CSMD2: variants seen among roughly 807,000 people sequenced by gnomAD.
CSMD2 encodes CUB and Sushi multiple domains 2, also known as CUB and sushi domain-containing protein 2.
In CSMD2, 130 loss-of-function variants were observed where a neutral mutation model predicts 398.5. The observed-to-expected ratio is 0.33, with a 90% CI of 0.28 to 0.38. CSMD2 has a LOEUF of 0.38. CSMD2 is among the 10% of genes least tolerant of loss of function. The pLI is 1.00. For missense variants in CSMD2, 3,829 were observed against 4,764.9 expected (o/e 0.80, Z 5.78); for synonymous variants, 1,828 against 1,908.5 (o/e 0.96, Z 1.10).
chr1:33,884,393 G>A (rs1641446097), intron 5 of CSMD2, among the ~76,000 whole-genome samples: 1 of 151,768 alleles, frequency 6.6e-6, no homozygotes, highest in Non-Finnish European at 1.5e-5. Context: ...CACCCCCTTT[G>A]CCACTTCCTG....
At position 34,125,925 on chromosome 1, in the gene CSMD2, C is replaced by T. The variant is rs78898791; in HGVS notation, c.188-36732G>A. Among the ~76,000 whole-genome samples the T allele has an allele frequency of 9.7e-3, 1,480 of 152,254 alleles. 22 individuals carry two copies. Among genetic ancestry groups the T allele is most frequent in the African/African-American group, 0.034 (1,423 of 41,552 alleles). On this transcript the variant is annotated intron_variant, in intron 1 of 70. Coordinates refer to ENST00000373381, the MANE Select transcript of CSMD2 (RefSeq NM_001281956.2). ...GAGATCTCCAGGACCCAGTGGGGGTCTGTTCAGTGACACCATCCATGACCT... is the reference window on the plus strand; with the variant it reads ...GAGATCTCCAGGACCCAGTGGGGGTTTGTTCAGTGACACCATCCATGACCT...
intron 2 of CSMD2, among the ~76,000 whole-genome samples, chr1:34,073,709 T>C (rs1655992584): frequency 6.6e-6 from 1 of 152,230 alleles, no homozygotes; most frequent in Admixed American, 6.5e-5. Flanking sequence ...AAAAGGCATT[T>C]TGGTATAGTG....
At chr1:33,886,724 C>T (rs1326972250) in intron 5 of CSMD2, among the ~76,000 whole-genome samples, 3 of 152,190 alleles carry the variant, frequency 2.0e-5, no homozygotes, top group African/African-American at 7.2e-5. Flanking sequence ...AAAGGGTTTC[C>T]CCTTGGCAGA....
chr1:33,738,668 G>A lies in CSMD2; in HGVS notation c.2368+472C>T, dbSNP rs370096865. Among the ~76,000 whole-genome samples, 59 of 152,284 alleles carry A rather than the reference G, an allele frequency of 3.9e-4. 2 individuals carry two copies. In the South Asian group the frequency reaches 0.011, roughly 29 times the overall value. On this transcript the variant is annotated intron_variant, in intron 15 of 70. Coordinates refer to ENST00000373381, the MANE Select transcript of CSMD2 (RefSeq NM_001281956.2). Reference sequence around the variant, plus strand: ...TGGAGACTGACCACAAGGATATAAAGTCAGCATTTAACAGGGCACAAAGGC... The same window carrying A: ...TGGAGACTGACCACAAGGATATAAAATCAGCATTTAACAGGGCACAAAGGC...
chr1:33,981,056 T>C (rs1444716130), intron 3 of CSMD2, among the ~76,000 whole-genome samples: 2 of 152,112 alleles, frequency 1.3e-5, no homozygotes, highest in East Asian at 1.9e-4. Flanking sequence ...GAGATACCCC[T>C]GGGGTCTCTT....
Position 33,840,300 on chromosome 1 carries a change from T to G in CSMD2, c.1033+6584A>C, listed in dbSNP as rs16835971. 3.9e-5 allele frequency among the ~76,000 whole-genome samples: 6 copies of G among 152,184 alleles called. No individual in the cohort carries two copies. The South Asian group carries it at 1.2e-3, about 32-fold the overall frequency. On this transcript the variant is annotated intron_variant, in intron 6 of 70. Coordinates refer to ENST00000373381, the MANE Select transcript of CSMD2 (RefSeq NM_001281956.2). ...TTGATAGCCTATGCGGCCTAAGCAA[T>G]ACTGTTTTCTCTACCTGGGACATTC...
At chr1:34,115,206 A>G (rs1661494217) in intron 1 of CSMD2, among the ~76,000 whole-genome samples, 1 of 152,154 alleles carries the variant, frequency 6.6e-6, no homozygotes. Context: ...ACGGCTGAAA[A>G]CTTCCTAAAT....
intron 3 of CSMD2, among the ~76,000 whole-genome samples, chr1:33,967,201 A>G (rs1215078811): frequency 6.6e-6 from 1 of 151,718 alleles, no homozygotes; most frequent in Non-Finnish European, 1.5e-5. Flanking sequence ...TTATGGAATC[A>G]TTAAAGGTCT....
chr1:33,859,024 T>C (rs533067768), intron 5 of CSMD2, among the ~76,000 whole-genome samples: 21 of 152,304 alleles, frequency 1.4e-4, no homozygotes, highest in Non-Finnish European at 2.5e-4. Flanking sequence ...CACCCTCAAA[T>C]GTGTCTTCTT....
At chr1:33,685,664 T>A (rs1264008185) in intron 25 of CSMD2, among the ~76,000 whole-genome samples, 4 of 152,180 alleles carry the variant, frequency 2.6e-5, no homozygotes, top group African/African-American at 9.7e-5. Flanking sequence ...AGATCCTGTA[T>A]TTTCCCCTAT....
At chr1:33,742,692 T>C (rs1647121226) in intron 14 of CSMD2, among the ~76,000 whole-genome samples, 1 of 150,254 alleles carries the variant, frequency 6.7e-6, no homozygotes, top group Admixed American at 6.7e-5. Context: ...AGGTGGCAAC[T>C]TTCAGATGGT....
intron 22 of CSMD2, among the ~76,000 whole-genome samples, chr1:33,701,099 C>T (rs1305582778): frequency 6.6e-6 from 1 of 152,226 alleles, no homozygotes; most frequent in African/African-American, 2.4e-5. Flanking sequence ...ACCCTCAATC[C>T]TGTCCTTCCA....
chr1:33,573,019 C>T (rs1343022945), intron 49 of CSMD2, among the ~76,000 whole-genome samples: 6 of 144,970 alleles, frequency 4.1e-5, no homozygotes, highest in Admixed American at 7.2e-5. Flanking sequence ...ACTCTCCAAA[C>T]GAAAGAGAGA....
chr1:34,001,082 G>A lies in CSMD2; in HGVS notation c.517+31512C>T, dbSNP rs112454221. On this transcript the variant is annotated intron_variant, in intron 3 of 70. Transcript: ENST00000373381. ...GGGAGAGAAAAGAGGAGGAAAAGGA[G>A]AAGGAGGAATGAATTAAACATATCT... Among the ~76,000 whole-genome samples the A allele has an allele frequency of 1.8e-4, 27 of 151,948 alleles. 2 individuals carry two copies. Among genetic ancestry groups the A allele is most frequent in the African/African-American group, 6.5e-4 (27 of 41,470 alleles).
chr1:34,164,304 C>T lies in CSMD2; in HGVS notation c.187+607G>A, dbSNP rs1454917436. 3.9e-5 allele frequency among the ~76,000 whole-genome samples: 6 copies of T among 152,200 alleles called. No homozygotes were observed. In the South Asian group the frequency reaches 1.2e-3, roughly 32 times the overall value. On this transcript the variant is annotated intron_variant, in intron 1 of 70. Transcript: ENST00000373381. The surrounding 1 kb of genome is among the most constrained non-coding windows in gnomAD (Gnocchi z 6.2). ...GACCCCCACCGTGGGCACGCGTCCA[C>T]CTGAACCCCCTCCTAGCTCCGAGCG...
At chr1:34,050,999 T>G (rs958196836) in intron 2 of CSMD2, among the ~76,000 whole-genome samples, 5 of 152,100 alleles carry the variant, frequency 3.3e-5, no homozygotes, top group Non-Finnish European at 7.4e-5. Context: ...CCCGGGCACT[T>G]TGCACTCCTC....
rs150815074 is a variant in CSMD2, at chr1:33,660,695, T to C, written c.4255+2195A>G. Among the ~76,000 whole-genome samples, 254 of 152,346 alleles carry C rather than the reference T, an allele frequency of 1.7e-3. 2 individuals carry two copies. In the East Asian group the frequency reaches 0.024, roughly 14 times the overall value. On this transcript the variant is annotated intron_variant, in intron 26 of 70. Coordinates refer to ENST00000373381, the MANE Select transcript of CSMD2 (RefSeq NM_001281956.2). The stretch of plus-strand genomic sequence containing the variant: ...GGCTAGGTAGCTTTGACCATGCTAC[T>C]CTGCCTAAGCAATGCTAAGGGCAGC...
chr1:33,810,731 C>CA lies in CSMD2; in HGVS notation c.1446+11dup, dbSNP rs780549861. ...GCCCACAGAACACCACCCCGCTCCC[C>CA]AAGAGGCTTACCTTGGAGGGGTTGA... is the stretch of plus-strand genomic sequence containing the variant. On this transcript the variant is annotated intron_variant, in intron 10 of 70. Transcript: ENST00000373381. 4 of 1,612,270 alleles carry CA rather than the reference C, an allele frequency of 2.5e-6. No individual in the cohort carries two copies. The highest frequency in any genetic ancestry group is 3.4e-6 in the Non-Finnish European group (4 of 1,179,340).
chr1:33,603,526 C>T lies in CSMD2; in HGVS notation c.6533-980G>A, dbSNP rs112488275. On this transcript the variant is annotated intron_variant, in intron 42 of 70. Transcript: ENST00000373381. ...AGAGGCCAGGGGTCCTGTGAATGCA[C>T]GTACATCCTGAAAGTGGTGCACAGG... is the stretch of plus-strand genomic sequence containing the variant. Among the ~76,000 whole-genome samples, 38 of 152,302 alleles carry T rather than the reference C, an allele frequency of 2.5e-4. 1 individual carries two copies. The highest frequency in any genetic ancestry group is 7.2e-4 in the African/African-American group (30 of 41,562).
Sources: gnomAD v4.1 joint callset for allele counts (sites outside exome capture counted in the v4.1 genomes callset) on GRCh38, gnomAD v4.1.1 for gene constraint, Gnocchi (gnomAD v3.1) non-coding constraint, MANE v1.5 for transcripts, NCBI Gene and HGNC (gene_info 2026-07-23, HGNC 2026-07-21) for gene names.